Variants in SCFD2 observed in about 807,000 individuals in gnomAD.
The protein encoded by SCFD2 is sec1 family domain-containing protein 2.
In SCFD2, 54 loss-of-function variants were observed where a neutral mutation model predicts 58.9. That is an observed-to-expected ratio of 0.92 (90% CI 0.74 to 1.15). The LOEUF is 1.15. Ranked by LOEUF, SCFD2 falls within the 50% of genes most tolerant of loss-of-function variation. SCFD2 has a pLI of 0.00. For synonymous variants in SCFD2, 321 were observed against 335.9 expected (o/e 0.96, Z 0.49); for missense variants, 805 against 836.6 (o/e 0.96, Z 0.47).
At chr4:53,247,161 A>G (rs975416839) in intron 4 of SCFD2, among the ~76,000 whole-genome samples, 3 of 152,220 alleles carry the variant, frequency 2.0e-5, no homozygotes, top group Non-Finnish European at 4.4e-5. Context: ...AAACCAGCTC[A>G]AAATCAGTGA....
chr4:53,258,556 A>G (rs746394352), intron 4 of SCFD2, among the ~76,000 whole-genome samples: 37,187 of 135,222 alleles, frequency 0.28, 6,046 homozygotes, highest in Non-Finnish European at 0.33. Flanking sequence ...ATATATATAT[A>G]TATATATATA....
chr4:53,350,866 T>C (rs990023071), intron 2 of SCFD2, among the ~76,000 whole-genome samples: 6 of 152,154 alleles, frequency 3.9e-5, no homozygotes, highest in African/African-American at 1.2e-4. Context: ...CCTGCCACCA[T>C]GCCCAGCTAA....
chr4:52,876,299 A>G (rs1339071223), intron 8 of SCFD2, among the ~76,000 whole-genome samples: 1 of 152,242 alleles, frequency 6.6e-6, no homozygotes, highest in Non-Finnish European at 1.5e-5. Context: ...GAGCTGCTGT[A>G]TTATTGTGGT....
At chr4:53,050,690 A>G (rs1171314448) in intron 5 of SCFD2, among the ~76,000 whole-genome samples, 1 of 152,186 alleles carries the variant, frequency 6.6e-6, no homozygotes, top group Non-Finnish European at 1.5e-5. Context: ...AGATATGATC[A>G]AGTTACTCAT....
intron 1 of SCFD2, 39 bp from the exon 2 acceptor site, chr4:53,352,805 G>C (rs779852131): frequency 1.3e-6 from 2 of 1,544,992 alleles, no homozygotes; most frequent in Non-Finnish European, 1.8e-6. Flanking sequence ...TCATAAAATG[G>C]GAGGAAAAAG....
intron 4 of SCFD2, among the ~76,000 whole-genome samples, chr4:53,198,585 A>T (rs1728128892): frequency 6.6e-6 from 1 of 151,968 alleles, no homozygotes; most frequent in Admixed American, 6.6e-5. Context: ...TCTTATTATT[A>T]TACATTATAC....
intron 5 of SCFD2, among the ~76,000 whole-genome samples, chr4:52,941,196 C>A (rs1425905635): frequency 1.3e-5 from 2 of 152,034 alleles, no homozygotes; most frequent in South Asian, 2.1e-4. Flanking sequence ...TAATTGAATA[C>A]CTACTATGCA....
At chr4:53,355,319 C>T (rs1346114113) in intron 1 of SCFD2, among the ~76,000 whole-genome samples, 1 of 152,160 alleles carries the variant, frequency 6.6e-6, no homozygotes, top group Admixed American at 6.5e-5. Context: ...GGGAACCTTT[C>T]ACTTACTCTA....
chr4:53,124,246 A>G (rs577028083), intron 5 of SCFD2, among the ~76,000 whole-genome samples: 4 of 152,192 alleles, frequency 2.6e-5, no homozygotes, highest in Non-Finnish European at 5.9e-5. Context: ...CAAGTATTTG[A>G]CAAACAGACA....
Position 53,246,119 on chromosome 4 carries a change from C to G in SCFD2, c.1311+27707G>C, listed in dbSNP as rs114238493. Among the ~76,000 whole-genome samples the G allele has an allele frequency of 2.7e-3, 411 of 152,030 alleles. 1 individual carries two copies. The highest frequency in any genetic ancestry group is 9.5e-3 in the African/African-American group (393 of 41,464). ...AACTGCCACAAAAAGTATAAAACAC[C>G]TAGGAATATAGCTAATCAGGGAGGG... is the stretch of plus-strand genomic sequence containing the variant. On this transcript the variant is annotated intron_variant, in intron 4 of 8. Coordinates refer to ENST00000401642, the MANE Select transcript of SCFD2 (RefSeq NM_152540.4).
intron 4 of SCFD2, among the ~76,000 whole-genome samples, chr4:53,255,979 C>A (rs1267635258): frequency 2.0e-5 from 3 of 149,092 alleles, no homozygotes; most frequent in African/African-American, 4.9e-5. Flanking sequence ...CTGACCCCCC[C>A]ACCTCCCTCC....
intron 6 of SCFD2, among the ~76,000 whole-genome samples, chr4:52,916,119 G>A (rs1429307731): frequency 6.6e-6 from 1 of 152,244 alleles, no homozygotes; most frequent in Non-Finnish European, 1.5e-5. Flanking sequence ...TATTTTGTCT[G>A]AAAGCCCCGT....
intron 5 of SCFD2, among the ~76,000 whole-genome samples, chr4:53,018,875 G>A (rs1264782975): frequency 6.6e-6 from 1 of 152,144 alleles, no homozygotes; most frequent in Non-Finnish European, 1.5e-5. Flanking sequence ...GGTTTGTTGT[G>A]ATAGCCTCTC....
intron 3 of SCFD2, among the ~76,000 whole-genome samples, chr4:53,275,403 T>A (rs1029133164): frequency 6.6e-6 from 1 of 152,184 alleles, no homozygotes; most frequent in Non-Finnish European, 1.5e-5. Context: ...CTTTGGTCCC[T>A]TGGTAAAGCA....
At chr4:53,060,715 C>T (rs1187513965) in intron 5 of SCFD2, among the ~76,000 whole-genome samples, 1 of 151,846 alleles carries the variant, frequency 6.6e-6, no homozygotes, top group East Asian at 1.9e-4. Context: ...TATATATGTA[C>T]TTTTGTTGTT....
intron 4 of SCFD2, among the ~76,000 whole-genome samples, chr4:53,264,644 C>G (rs1380125910): frequency 6.6e-6 from 1 of 152,224 alleles, no homozygotes; most frequent in Non-Finnish European, 1.5e-5. Flanking sequence ...AATGAGCCAT[C>G]ATATTTCCAA....
At chr4:53,024,926 C>T (rs1463207328) in intron 5 of SCFD2, among the ~76,000 whole-genome samples, 1 of 152,134 alleles carries the variant, frequency 6.6e-6, no homozygotes, top group Non-Finnish European at 1.5e-5. Flanking sequence ...CTTGACTCCC[C>T]CTAGAATATT....
At chr4:53,091,405 T>G (rs1402182782) in intron 5 of SCFD2, among the ~76,000 whole-genome samples, 1 of 150,976 alleles carries the variant, frequency 6.6e-6, no homozygotes, top group Non-Finnish European at 1.5e-5. Flanking sequence ...TGTGCTAGGA[T>G]GGTGTGTAAG....
At chr4:53,313,807 G>C in intron 2 of SCFD2, 44 bp from the exon 3 acceptor site, 1 of 1,604,788 alleles carries the variant, frequency 6.2e-7, no homozygotes, top group Non-Finnish European at 8.5e-7. Flanking sequence ...AATTTCTACT[G>C]GATACTGGAA....
Sources: gnomAD v4.1 joint callset for allele counts (sites outside exome capture counted in the v4.1 genomes callset) on GRCh38, gnomAD v4.1.1 for gene constraint, MANE v1.5 for transcripts, NCBI Gene and HGNC (gene_info 2026-07-23, HGNC 2026-07-21) for gene names.